UNC13B: variants seen among roughly 807,000 people sequenced by gnomAD.
UNC13B encodes protein unc-13 homolog B.
Under a neutral mutation model 211.0 loss-of-function variants are expected in UNC13B, and 144 were observed. The ratio of observed to expected loss-of-function variants is 0.68; its 90% CI spans 0.60 to 0.78. The LOEUF (loss-of-function observed/expected upper bound fraction) is 0.78. UNC13B is among the 30% of genes least tolerant of loss of function. The pLI is 0.00. For synonymous variants in UNC13B, 709 were observed against 725.8 expected (o/e 0.98, Z 0.37); for missense variants, 1,777 against 2,002.0 (o/e 0.89, Z 2.14).
intron 22 of UNC13B, chr9:35,385,316 G>A: frequency 2.0e-6 from 2 of 985,462 alleles, no homozygotes; most frequent in Non-Finnish European, 2.4e-6. Context: ...AGTTTGGTCT[G>A]TAGTGTGGCT....
At position 35,319,402 on chromosome 9, in the gene UNC13B, CAAAAAAAAAAAAAAAAA is replaced by C. The variant is rs74176715; in HGVS notation, c.9414+5431_9414+5447del. On this transcript the variant is annotated intron_variant, in intron 11 of 39. Coordinates refer to ENST00000635942, the MANE Select transcript of UNC13B (RefSeq NM_001371189.2). ...TAGGTGACAGAGTGAGACCCTATCT[CAAAAAAAAAAAAAAAAA>C]AAAAAAAAAAAAAAAAATTAGATAC... is the stretch of plus-strand genomic sequence containing the variant. Among the ~76,000 whole-genome samples the C allele has an allele frequency of 2.9e-3, 165 of 56,216 alleles. 2 individuals are homozygous for C. The highest frequency in any genetic ancestry group is 0.012 in the African/African-American group (148 of 11,926). The allele number at this position is 56,216 out of a possible 152,430, so 36.9% of individuals were successfully genotyped here.
chr9:35,331,020 A>G (rs1028758083), intron 11 of UNC13B, among the ~76,000 whole-genome samples: 1 of 152,188 alleles, frequency 6.6e-6, no homozygotes, highest in African/African-American at 2.4e-5. Context: ...CTCTTATGGA[A>G]TAAGTCAGAT....
chr9:35,240,478 T>C (rs1386199350), intron 5 of UNC13B, among the ~76,000 whole-genome samples: 6 of 152,206 alleles, frequency 3.9e-5, no homozygotes, highest in Non-Finnish European at 8.8e-5. Context: ...GAAGTCTTTC[T>C]TGTGGGACTG....
In UNC13B at chr9:35,303,644, T is replaced by C. The variant is rs1829791695; in HGVS notation, c.4240T>C (p.Trp1414Arg). 2.5e-6 allele frequency: 1 copy of C among 398,498 alleles called. No individual in the cohort carries two copies. Among genetic ancestry groups the C allele is most frequent in the African/African-American group, 2.1e-5 (1 of 48,576 alleles). The allele number at this position is 398,498 out of a possible 1,614,324, so 24.7% of individuals were successfully genotyped here. The change falls in exon 9 of 40, where the codon TGG becomes CGG. Residue 1414 changes from tryptophan to arginine, a missense_variant. Coordinates refer to ENST00000635942, the MANE Select transcript of UNC13B (RefSeq NM_001371189.2). ...QKDQNANILE[W>R]RTNPNSVIWC... The stretch of plus-strand genomic sequence containing the variant: ...AGATCAAAATGCAAACATCTTGGAG[T>C]GGAGAACAAATCCAAACAGTGTCAT...
At position 35,389,855 on chromosome 9, in the gene UNC13B, C is replaced by G. The variant is rs752065962; in HGVS notation, c.11104C>G (p.Leu3702Val). 3.1e-6 allele frequency: 5 copies of G among 1,614,110 alleles called. No individual in the cohort carries two copies. The highest frequency in any genetic ancestry group is 3.3e-5 in the Admixed American group (2 of 60,028). The change falls in exon 25 of 40, where the codon CTA becomes GTA. Residue 3702 changes from leucine to valine, a missense_variant. Coordinates refer to ENST00000635942, the MANE Select transcript of UNC13B (RefSeq NM_001371189.2). ...YSRQYQLKQELPPEEQGPSIR... is the reference protein window; with the variant it reads ...YSRQYQLKQEVPPEEQGPSIR... ...TGTCCTCTGGATCAAGAAGCAGGAG[C>G]TACCTCCAGAGGAACAAGGGCCCAG...
At chr9:35,203,142 T>A (rs2131384149) in intron 1 of UNC13B, among the ~76,000 whole-genome samples, 1 of 152,300 alleles carries the variant, frequency 6.6e-6, no homozygotes, top group African/African-American at 2.4e-5. Flanking sequence ...AATTGGAATA[T>A]TTAGCCCATT....
At chr9:35,400,715 A>G (rs764586922) in intron 37 of UNC13B, among the ~76,000 whole-genome samples, 2 of 152,222 alleles carry the variant, frequency 1.3e-5, no homozygotes, top group South Asian at 2.1e-4. Context: ...AACTCAAGGA[A>G]TATACCCTGA....
intron 13 of UNC13B, 32 bp from the exon 14 acceptor site, chr9:35,375,095 G>A (rs1346759549): frequency 1.2e-6 from 2 of 1,613,072 alleles, no homozygotes; most frequent in Admixed American, 1.7e-5. Flanking sequence ...CCTTGGCAGT[G>A]GTCAGGGCTA....
intron 1 of UNC13B, among the ~76,000 whole-genome samples, chr9:35,225,921 C>T (rs1007158415): frequency 6.6e-6 from 1 of 151,980 alleles, no homozygotes; most frequent in African/African-American, 2.4e-5. Context: ...AGCAGTGGTG[C>T]GCCAGTCCTT....
intron 10 of UNC13B, 142 bp downstream of exon 10, chr9:35,310,923 C>G: frequency 1.3e-6 from 1 of 753,362 alleles, no homozygotes; most frequent in African/African-American, 1.8e-5. Context: ...CTCTGTATTG[C>G]TTCCTTTGAT....
At chr9:35,220,694 A>G (rs1388917767) in intron 1 of UNC13B, among the ~76,000 whole-genome samples, 1 of 152,198 alleles carries the variant, frequency 6.6e-6, no homozygotes, top group Non-Finnish European at 1.5e-5. Flanking sequence ...AGTTGCTTCC[A>G]AATCTTGGCT....
At chr9:35,258,947 G>C in intron 6 of UNC13B, 46 bp from the exon 7 acceptor site, 1 of 1,582,202 alleles carries the variant, frequency 6.3e-7, no homozygotes, top group Non-Finnish European at 8.6e-7. Context: ...CTTTACTTGG[G>C]CTTCTGATTG....
At chr9:35,400,485 A>T (rs1208378971) in intron 37 of UNC13B, 42 bp downstream of exon 37, 2 of 1,592,014 alleles carry the variant, frequency 1.3e-6, no homozygotes, top group Admixed American at 3.5e-5. Flanking sequence ...CTCCTCTCTG[A>T]TACACATCTT....
intron 3 of UNC13B, among the ~76,000 whole-genome samples, chr9:35,234,733 A>G (rs1229450905): frequency 6.6e-6 from 1 of 152,180 alleles, no homozygotes; most frequent in East Asian, 1.9e-4. Flanking sequence ...GAATAAATTA[A>G]CTCAGTACAT....
chr9:35,174,711 C>G (rs186862196), intron 1 of UNC13B, among the ~76,000 whole-genome samples: 4 of 152,234 alleles, frequency 2.6e-5, no homozygotes, highest in Admixed American at 1.3e-4. Context: ...CCACGCCTGG[C>G]TAATTTTTTT....
intron 7 of UNC13B, among the ~76,000 whole-genome samples, chr9:35,284,084 A>G (rs1333421880): frequency 6.6e-6 from 1 of 152,112 alleles, no homozygotes; most frequent in Non-Finnish European, 1.5e-5. Context: ...ACATGGTGAA[A>G]TCCCATCTCT....
chr9:35,401,847 TGTA>T (rs1269539460), intron 37 of UNC13B: 12 of 1,089,156 alleles, frequency 1.1e-5, no homozygotes, highest in Non-Finnish European at 1.5e-5. Flanking sequence ...TCAGAATATG[TGTA>T]GAGCTGCTTT....
Position 35,398,885 on chromosome 9 carries a change from C to G in UNC13B, c.11925C>G (p.Phe3975Leu), listed in dbSNP as rs1340416477. ...DELSMVFGNS[F>L]QVRIDECVRQ... ...TACACTGCGGGCACATGTGTAGTTT[C>G]CAGGTACGGATTGATGAGTGTGTTC... The change falls in exon 33 of 40, where the codon TTC becomes TTG. Residue 3975 changes from phenylalanine to leucine, a missense_variant. Coordinates refer to ENST00000635942, the MANE Select transcript of UNC13B (RefSeq NM_001371189.2). 1 of 1,613,318 alleles carries G rather than the reference C, an allele frequency of 6.2e-7. No homozygotes were observed. The highest frequency in any genetic ancestry group is 1.3e-5 in the African/African-American group (1 of 74,892).
At chr9:35,339,790 A>G (rs1209478705) in intron 11 of UNC13B, among the ~76,000 whole-genome samples, 1 of 152,238 alleles carries the variant, frequency 6.6e-6, no homozygotes, top group Non-Finnish European at 1.5e-5. Flanking sequence ...GGGTGACAAG[A>G]CAGGGTGGGT....
Sources: allele counts gnomAD v4.1 joint callset (sites outside exome capture counted in the v4.1 genomes callset), GRCh38; gene constraint gnomAD v4.1.1; transcripts MANE v1.5; gene names NCBI Gene and HGNC (gene_info 2026-07-23, HGNC 2026-07-21).